COPS8: variants seen among roughly 807,000 people sequenced by gnomAD.
COPS8 encodes COP9 signalosome subunit 8.
Under a neutral mutation model 31.5 loss-of-function variants are expected in COPS8, and 11 were observed. The observed-to-expected ratio is 0.35, with a 90% CI of 0.22 to 0.58. The LOEUF (loss-of-function observed/expected upper bound fraction) is 0.58. Among genes scored for constraint, COPS8 ranks in the 20% least tolerant of loss-of-function variants. COPS8 has a pLI of 0.83. For synonymous variants in COPS8, 81 were observed against 89.3 expected (o/e 0.91, Z 0.52); for missense variants, 215 against 255.1 (o/e 0.84, Z 1.07).
rs765450341 is a variant in COPS8 at position 237,086,032 on chromosome 2, A to G, written c.68A>G (p.Gln23Arg). ...FKKLLDQCEN[Q>R]ELEAPGGIAT... Reference sequence around the variant, plus strand: ...AAGTTGCTGGATCAGTGCGAGAACCAGGAGCTCGAGGTAACCCTTTGCGTC... The same window carrying G: ...AAGTTGCTGGATCAGTGCGAGAACCGGGAGCTCGAGGTAACCCTTTGCGTC... Residue 23 changes from glutamine (Q) to arginine (R), a missense_variant, in exon 1 of 8, where the codon CAG (glutamine) becomes CGG (arginine). Physicochemically the swap from Gln to Arg is conservative, Grantham distance 43. Transcript: ENST00000354371. 22 of 1,613,414 alleles carry G rather than the reference A, an allele frequency of 1.4e-5. No individual in the cohort carries two copies. The highest frequency in any genetic ancestry group is 1.7e-5 in the Non-Finnish European group (20 of 1,179,622).
intron 4 of COPS8, among the ~76,000 whole-genome samples, chr2:237,093,305 T>C (rs1333283628): frequency 6.6e-6 from 1 of 152,228 alleles, no homozygotes; most frequent in Non-Finnish European, 1.5e-5. Flanking sequence ...GTTTTACATA[T>C]GTACACTGGC....
Position 237,086,022 on chromosome 2 carries a change from T to C in COPS8, c.58T>C (p.Cys20Arg). ...TAGTTTCAAAAAGTTGCTGGATCAGTGCGAGAACCAGGAGCTCGAGGTAAC... is the reference window on the plus strand; with the variant it reads ...TAGTTTCAAAAAGTTGCTGGATCAGCGCGAGAACCAGGAGCTCGAGGTAAC... ...AFSFKKLLDQCENQELEAPGG... is the reference protein window; with the variant it reads ...AFSFKKLLDQRENQELEAPGG... The change falls in exon 1 of 8, where the codon TGC (cysteine) becomes CGC (arginine). Residue 20 changes from cysteine (C) to arginine (R), a missense_variant. By Grantham distance (180) the Cys-to-Arg change is radical. Transcript: ENST00000354371. The C allele has an allele frequency of 1.2e-6, 2 of 1,613,768 alleles. No individual in the cohort carries two copies. Among genetic ancestry groups the C allele is most frequent in the Non-Finnish European group, 1.7e-6 (2 of 1,179,774 alleles).
chr2:237,097,647 T>C lies in COPS8; in HGVS notation c.551-16T>C. The C allele has an allele frequency of 6.2e-7, 1 of 1,604,204 alleles. No homozygotes were observed. The highest frequency in any genetic ancestry group is 8.5e-7 in the Non-Finnish European group (1 of 1,171,608). On this transcript the variant is annotated splice_polypyrimidine_tract_variant and intron_variant, in intron 7 of 7. Coordinates refer to ENST00000354371, the MANE Select transcript of COPS8 (RefSeq NM_006710.5). ...TGGTATGTAACATGAAGTGTGTTTG[T>C]TTCTTTAACATACAGAGCCTGCTCC...
chr2:237,097,966 C>G lies in COPS8; in HGVS notation c.*224C>G. ...TTCTCATTTTGTAGTATTTAATAAT[C>G]TGGATGGAGCCTGTCAGTATTACAG... On this transcript the variant is annotated 3_prime_UTR_variant, in exon 8 of 8. Transcript: ENST00000354371. 1 of 409,720 alleles carries G rather than the reference C, an allele frequency of 2.4e-6. No individual in the cohort carries two copies. The highest frequency in any genetic ancestry group is 4.4e-6 in the Non-Finnish European group (1 of 226,200). 25.4% of individuals were successfully genotyped at this position (409,720 alleles called of 1,614,324 possible). A position where few individuals can be genotyped will look rare whatever the true frequency, so the allele number is the denominator to read the frequency against.
chr2:237,088,804 A>G, intron 3 of COPS8, 151 bp downstream of exon 3: 1 of 510,006 alleles, frequency 2.0e-6, no homozygotes. Context: ...AGAGTCCTCT[A>G]ATCAGAAATT....
intron 4 of COPS8, among the ~76,000 whole-genome samples, chr2:237,090,228 C>T (rs200107475): frequency 4.6e-5 from 7 of 152,000 alleles, no homozygotes; most frequent in African/African-American, 1.2e-4. Flanking sequence ...AGAAATTGCT[C>T]GTCAGTTTTA....
chr2:237,093,908 G>A (rs1370384752), intron 4 of COPS8, 182 bp from the exon 5 acceptor site: 10 of 1,229,514 alleles, frequency 8.1e-6, no homozygotes, highest in Non-Finnish European at 1.0e-5. Context: ...TTTTTTTCCA[G>A]CAATATTTGA....
Position 237,099,428 on chromosome 2 carries a change from T to C in COPS8, c.*1686T>C, listed in dbSNP as rs1206175741. ...CAAACACAATATTTCAATTTTACAT[T>C]GTCAGTGGGATATACACTAAGGACA... On this transcript the variant is annotated 3_prime_UTR_variant, in exon 8 of 8. Coordinates refer to ENST00000354371, the MANE Select transcript of COPS8 (RefSeq NM_006710.5). 2 of 152,150 alleles carry C rather than the reference T, an allele frequency of 1.3e-5. No homozygotes were observed. Among genetic ancestry groups the C allele is most frequent in the Non-Finnish European group, 2.9e-5 (2 of 68,010 alleles). 9.4% of individuals were successfully genotyped at this position (152,150 alleles called of 1,614,324 possible).
Position 237,097,981 on chromosome 2 carries a change from C to T in COPS8, c.*239C>T, listed in dbSNP as rs753827151. On this transcript the variant is annotated 3_prime_UTR_variant, in exon 8 of 8. Coordinates refer to ENST00000354371, the MANE Select transcript of COPS8 (RefSeq NM_006710.5). The stretch of plus-strand genomic sequence containing the variant: ...ATTTAATAATCTGGATGGAGCCTGT[C>T]AGTATTACAGTTAGTTTTCTAGTGA... The T allele has an allele frequency of 5.9e-5, 21 of 356,082 alleles. No homozygotes were observed. The highest frequency in any genetic ancestry group is 9.8e-5 in the Non-Finnish European group (19 of 194,436). 22.1% of individuals were successfully genotyped at this position (356,082 alleles called of 1,614,324 possible).
At chr2:237,096,219 T>A (rs933686755) in intron 6 of COPS8, among the ~76,000 whole-genome samples, 1 of 152,128 alleles carries the variant, frequency 6.6e-6, no homozygotes, top group Non-Finnish European at 1.5e-5. Context: ...TAAAAAAAAA[T>A]GTTTAAATAT....
intron 4 of COPS8, among the ~76,000 whole-genome samples, chr2:237,091,079 G>A (rs148286064): frequency 1.3e-5 from 2 of 152,278 alleles, no homozygotes; most frequent in East Asian, 1.9e-4. Flanking sequence ...GTTTTACAGC[G>A]GGTTGATTGG....
At position 237,094,083 on chromosome 2, in the gene COPS8, A is replaced by T; in HGVS notation, c.332-7A>T. The T allele has an allele frequency of 6.2e-7, 1 of 1,612,684 alleles. No homozygotes were observed. The highest frequency in any genetic ancestry group is 8.5e-7 in the Non-Finnish European group (1 of 1,179,292). On this transcript the variant is annotated splice_polypyrimidine_tract_variant and splice_region_variant and intron_variant, in intron 4 of 7. Coordinates refer to ENST00000354371, the MANE Select transcript of COPS8 (RefSeq NM_006710.5). ...CACTCTCTGCCAACCCACCACTCCC[A>T]CAATAGATGCAACAAGGAGACGCGC...
In COPS8 at chr2:237,097,907, C is replaced by A; in HGVS notation, c.*165C>A. 1 of 511,008 alleles carries A rather than the reference C, an allele frequency of 2.0e-6. No homozygotes were observed. Among genetic ancestry groups the A allele is most frequent in the South Asian group, 2.7e-5 (1 of 37,648 alleles). 31.7% of individuals were successfully genotyped at this position (511,008 alleles called of 1,614,324 possible). A position where few individuals can be genotyped will look rare whatever the true frequency, so the allele number is the denominator to read the frequency against. On this transcript the variant is annotated 3_prime_UTR_variant, in exon 8 of 8. Coordinates refer to ENST00000354371, the MANE Select transcript of COPS8 (RefSeq NM_006710.5). Reference sequence around the variant, plus strand: ...ATAAGATATACTATATACATTTTGTCCATAAACGTTATGCTGAATAGTTGT... The same window carrying A: ...ATAAGATATACTATATACATTTTGTACATAAACGTTATGCTGAATAGTTGT...
chr2:237,090,037 A>G, intron 4 of COPS8, 43 bp downstream of exon 4: 1 of 1,597,676 alleles, frequency 6.3e-7, no homozygotes, highest in Admixed American at 1.7e-5. Flanking sequence ...GATGAGACTT[A>G]GTCCCTAAGT....
rs1468039222 is a variant in COPS8, at chr2:237,097,972, G to A, written c.*230G>A. On this transcript the variant is annotated 3_prime_UTR_variant, in exon 8 of 8. Transcript: ENST00000354371. ...TTTTGTAGTATTTAATAATCTGGAT[G>A]GAGCCTGTCAGTATTACAGTTAGTT... 3 of 391,266 alleles carry A rather than the reference G, an allele frequency of 7.7e-6. No individual in the cohort carries two copies. Among genetic ancestry groups the A allele is most frequent in the Non-Finnish European group, 9.3e-6 (2 of 215,288 alleles). The allele number at this position is 391,266 out of a possible 1,614,324, so 24.2% of individuals were successfully genotyped here.
At chr2:237,093,950 T>C in intron 4 of COPS8, 140 bp from the exon 5 acceptor site, 1 of 1,416,602 alleles carries the variant, frequency 7.1e-7, no homozygotes, top group Non-Finnish European at 9.2e-7. Context: ...TATGTATTTG[T>C]ATCTATAAGC....
intron 2 of COPS8, among the ~76,000 whole-genome samples, chr2:237,087,817 A>G (rs1696646720): frequency 6.6e-6 from 1 of 152,110 alleles, no homozygotes; most frequent in Non-Finnish European, 1.5e-5. Flanking sequence ...CTCTAATCCC[A>G]GCTACCTGGG....
chr2:237,090,668 G>A (rs1696691027), intron 4 of COPS8, among the ~76,000 whole-genome samples: 1 of 152,202 alleles, frequency 6.6e-6, no homozygotes, highest in Non-Finnish European at 1.5e-5. Context: ...GAGGAAGTCA[G>A]TGAGCAGGAA....
At position 237,090,950 on chromosome 2, in the gene COPS8, C is replaced by T. The variant is rs866728700; in HGVS notation, c.331+956C>T. ...CAGGGGCAGTTTCAGAAAGTAGCACCAGAAACCTCTTCATATAAGCCCTGA... is the reference window on the plus strand; with the variant it reads ...CAGGGGCAGTTTCAGAAAGTAGCACTAGAAACCTCTTCATATAAGCCCTGA... On this transcript the variant is annotated intron_variant, in intron 4 of 7. Transcript: ENST00000354371. 7.2e-5 allele frequency among the ~76,000 whole-genome samples: 11 copies of T among 152,160 alleles called. No individual in the cohort carries two copies. The South Asian group carries it at 1.9e-3, about 26-fold the overall frequency.
Sources: gnomAD v4.1 joint callset for allele counts (sites outside exome capture counted in the v4.1 genomes callset) on GRCh38, gnomAD v4.1.1 for gene constraint, MANE v1.5 for transcripts, NCBI Gene and HGNC (gene_info 2026-07-23, HGNC 2026-07-21) for gene names.